The following MGMT variants were observed in gnomAD, a reference collection of about 807,000 sequenced individuals.
The protein encoded by MGMT is methylated-DNA--protein-cysteine methyltransferase.
A neutral mutation model predicts 15.9 loss-of-function variants in MGMT; 14 were observed. The ratio of observed to expected loss-of-function variants is 0.88; its 90% CI spans 0.58 to 1.37. The LOEUF is 1.37. MGMT is among the 40% of genes most tolerant of loss of function. The pLI is 0.00. For synonymous variants in MGMT, 130 were observed against 118.2 expected (o/e 1.10, Z -0.65); for missense variants, 282 against 268.1 (o/e 1.05, Z -0.36).
At chr10:129,700,694 TC>T (rs1848088541) in intron 2 of MGMT, 1 of 152,206 alleles carries the variant, frequency 6.6e-6, no homozygotes, top group African/African-American at 2.4e-5. Context: ...TTATTCAGCC[TC>T]CTGTTTAAAA....
chr10:129,469,912 A>G (rs1845211630), intron 1 of MGMT, among the ~76,000 whole-genome samples: 1 of 151,932 alleles, frequency 6.6e-6, no homozygotes, highest in Admixed American at 6.6e-5. Context: ...GGGTCTCCGT[A>G]TGTTGCCTAG....
intron 2 of MGMT, among the ~76,000 whole-genome samples, chr10:129,575,307 A>G (rs865836854): frequency 2.6e-5 from 4 of 152,348 alleles, no homozygotes; most frequent in Middle Eastern, 3.4e-3. Flanking sequence ...CAGCAAATGT[A>G]AAAGAACAGA....
intron 2 of MGMT, among the ~76,000 whole-genome samples, chr10:129,646,283 C>G (rs183188609): frequency 1.3e-5 from 2 of 152,126 alleles, no homozygotes; most frequent in Non-Finnish European, 1.5e-5. Context: ...AGACATTTCT[C>G]CTGGCTCAGA....
At chr10:129,680,662 C>T (rs1847840988) in intron 2 of MGMT, among the ~76,000 whole-genome samples, 1 of 152,208 alleles carries the variant, frequency 6.6e-6, no homozygotes, top group African/African-American at 2.4e-5. Flanking sequence ...GAAACACTGG[C>T]CCCCGCCTTC....
At chr10:129,673,505 C>T (rs1483318142) in intron 2 of MGMT, among the ~76,000 whole-genome samples, 2 of 152,220 alleles carry the variant, frequency 1.3e-5, no homozygotes, top group Middle Eastern at 3.4e-3. Context: ...ACCTTGCGGT[C>T]GAGCCCAGCT....
intron 1 of MGMT, among the ~76,000 whole-genome samples, chr10:129,473,791 G>A (rs1353166855): frequency 6.6e-6 from 1 of 152,224 alleles, no homozygotes; most frequent in Admixed American, 6.5e-5. Context: ...AGCTGAGGCT[G>A]GGTGCAGTGA....
intron 4 of MGMT, among the ~76,000 whole-genome samples, chr10:129,760,488 C>T (rs545459564): frequency 6.6e-6 from 1 of 152,342 alleles, no homozygotes; most frequent in Admixed American, 6.5e-5. Flanking sequence ...ATAGACCTCA[C>T]TTTTTGAAAA....
At chr10:129,651,056 T>G (rs1847451942) in intron 2 of MGMT, among the ~76,000 whole-genome samples, 1 of 152,174 alleles carries the variant, frequency 6.6e-6, no homozygotes, top group Admixed American at 6.5e-5. Context: ...CTGGGGACCC[T>G]CTTTGGCTGT....
chr10:129,686,616 G>A (rs1375397228), intron 2 of MGMT, among the ~76,000 whole-genome samples: 1 of 152,138 alleles, frequency 6.6e-6, no homozygotes, highest in East Asian at 1.9e-4. Context: ...ACCCACCTGG[G>A]CCTCCCAAAG....
At chr10:129,707,759 G>T in intron 2 of MGMT, 136 bp from the exon 3 acceptor site, 1 of 1,201,500 alleles carries the variant, frequency 8.3e-7, no homozygotes. Context: ...CCTTTCTGCT[G>T]CACAGCTAGT....
chr10:129,577,339 T>G (rs1846496083), intron 2 of MGMT, among the ~76,000 whole-genome samples: 2 of 152,044 alleles, frequency 1.3e-5, no homozygotes, highest in South Asian at 4.1e-4. Context: ...AAAACAGAGA[T>G]ATAGACCAAT....
intron 2 of MGMT, among the ~76,000 whole-genome samples, chr10:129,662,583 C>T (rs767974778): frequency 6.6e-6 from 1 of 152,108 alleles, no homozygotes; most frequent in Non-Finnish European, 1.5e-5. Context: ...CAGGACAAAG[C>T]GGAAGCTGTG....
chr10:129,497,113 T>C (rs1845529379), intron 1 of MGMT, among the ~76,000 whole-genome samples: 1 of 152,190 alleles, frequency 6.6e-6, no homozygotes, highest in South Asian at 2.1e-4. Flanking sequence ...ATTTATAATG[T>C]GATATAAAGC....
At chr10:129,537,744 G>T (rs1257110535) in intron 2 of MGMT, among the ~76,000 whole-genome samples, 2 of 152,244 alleles carry the variant, frequency 1.3e-5, no homozygotes, top group Admixed American at 1.3e-4. Flanking sequence ...TTAGGATCAG[G>T]TTCAGGTGTA....
rs1461137501 is a variant in MGMT at position 129,564,854 on chromosome 10, C to T, written c.125+28477C>T. Among the ~76,000 whole-genome samples the T allele has an allele frequency of 5.9e-5, 9 of 152,040 alleles. No homozygotes were observed. In the East Asian group the frequency reaches 1.8e-3, roughly 30 times the overall value. On this transcript the variant is annotated intron_variant, in intron 2 of 4. Coordinates refer to ENST00000651593, the MANE Select transcript of MGMT (RefSeq NM_002412.5). ...GCCTCAAGGCCCTCAGGCCAGTTCC[C>T]GGGGCAGCCACTGAGCAGAACCGCC...
In MGMT at chr10:129,749,475, A is replaced by G. The variant is rs77442339; in HGVS notation, c.275-9727A>G. Among the ~76,000 whole-genome samples the G allele has an allele frequency of 8.3e-3, 1,270 of 152,236 alleles. 14 individuals are homozygous for G. Among genetic ancestry groups the G allele is most frequent in the African/African-American group, 0.028 (1,175 of 41,550 alleles). ...CTGCATAGCTCATTTTTTTCACTGA[A>G]TAATATTCCATTGTATGGATGTACC... On this transcript the variant is annotated intron_variant, in intron 3 of 4. Transcript: ENST00000651593.
chr10:129,761,104 A>G (rs193110593), intron 4 of MGMT, among the ~76,000 whole-genome samples: 10 of 152,266 alleles, frequency 6.6e-5, no homozygotes, highest in Admixed American at 5.2e-4. Flanking sequence ...GAGGTGTTCA[A>G]CCTGATGAAA....
rs566653541 is a variant in MGMT, at chr10:129,620,580, G to A, written c.125+84203G>A. ...TGCTGGCTCCTTAACAGTATGAAAT[G>A]TACTCTTTATCTCCAGCCATTTTTC... On this transcript the variant is annotated intron_variant, in intron 2 of 4. Coordinates refer to ENST00000651593, the MANE Select transcript of MGMT (RefSeq NM_002412.5). Among the ~76,000 whole-genome samples the A allele has an allele frequency of 7.2e-5, 11 of 152,292 alleles. No individual in the cohort carries two copies. In the South Asian group the frequency reaches 1.0e-3, roughly 14 times the overall value.
intron 2 of MGMT, among the ~76,000 whole-genome samples, chr10:129,653,015 G>A (rs1048799605): frequency 6.6e-6 from 1 of 152,236 alleles, no homozygotes; most frequent in Non-Finnish European, 1.5e-5. Flanking sequence ...AGTGGCTCTC[G>A]GGATCCCTCC....
Sources: gnomAD v4.1 joint callset for allele counts (sites outside exome capture counted in the v4.1 genomes callset) on GRCh38, gnomAD v4.1.1 for gene constraint, MANE v1.5 for transcripts, NCBI Gene and HGNC (gene_info 2026-07-23, HGNC 2026-07-21) for gene names.